Variants in OCSTAMP observed in about 807,000 individuals in gnomAD.
OCSTAMP encodes the protein transmembrane protein C20orf123.
Under a neutral mutation model 25.2 loss-of-function variants are expected in OCSTAMP, and 17 were observed. That is an observed-to-expected ratio of 0.68 (90% confidence interval 0.46 to 1.01). The LOEUF (loss-of-function observed/expected upper bound fraction) is 1.01, where lower values mean the gene tolerates loss of function less well. OCSTAMP is among the 50% of genes least tolerant of loss of function. OCSTAMP has a pLI of 0.00. For synonymous variants in OCSTAMP, 345 were observed against 318.9 expected (o/e 1.08, Z -0.87); for missense variants, 664 against 694.6 (o/e 0.96, Z 0.50).
At chr20:46,550,384 A>G in intron 1 of OCSTAMP, 133 bp downstream of exon 1, 5 of 683,494 alleles carry the variant, frequency 7.3e-6, no homozygotes, top group Non-Finnish European at 1.3e-5. Context: ...AGGCTCACAG[A>G]GAACTGAGGA....
At chr20:46,544,545 A>G (rs563047019) in intron 2 of OCSTAMP, among the ~76,000 whole-genome samples, 1 of 152,386 alleles carries the variant, frequency 6.6e-6, no homozygotes, top group Admixed American at 6.5e-5. Context: ...TCACTACTAA[A>G]AATTAAAAAT....
intron 2 of OCSTAMP, among the ~76,000 whole-genome samples, chr20:46,544,021 C>T (rs2061843604): frequency 6.6e-6 from 1 of 152,114 alleles, no homozygotes; most frequent in Admixed American, 6.5e-5. Flanking sequence ...CCAGCCTGAG[C>T]CACATAGTGG....
At position 46,549,018 on chromosome 20, in the gene OCSTAMP, AACAG is replaced by A. The variant is rs139034848; in HGVS notation, c.44+1495_44+1498del. On this transcript the variant is annotated intron_variant, in intron 1 of 2. Coordinates refer to ENST00000279028, the MANE Select transcript of OCSTAMP (RefSeq NM_080721.3). Reference sequence around the variant, plus strand: ...CAACACAAGGAAAACAGTGTTAGGAAACAGACAGAGAGTCCCAGTGGCCTTGTTG... The same window carrying A: ...CAACACAAGGAAAACAGTGTTAGGAAACAGAGAGTCCCAGTGGCCTTGTTG... 1.3e-4 allele frequency among the ~76,000 whole-genome samples: 20 copies of A among 152,314 alleles called. No homozygotes were observed. In the East Asian group the frequency reaches 3.3e-3, roughly 25 times the overall value.
intron 1 of OCSTAMP, among the ~76,000 whole-genome samples, chr20:46,547,725 A>AT: frequency 6.6e-6 from 1 of 152,320 alleles, no homozygotes; most frequent in East Asian, 1.9e-4. Flanking sequence ...AAGGAGAAGA[A>AT]TAGGAAACAC....
intron 1 of OCSTAMP, among the ~76,000 whole-genome samples, chr20:46,547,805 T>A (rs887253116): frequency 6.6e-6 from 1 of 152,164 alleles, no homozygotes; most frequent in African/African-American, 2.4e-5. Flanking sequence ...GGCTGGTAGC[T>A]ATGGGAAATT....
intron 2 of OCSTAMP, 122 bp downstream of exon 2, chr20:46,545,205 G>T: frequency 9.2e-7 from 1 of 1,092,170 alleles, no homozygotes; most frequent in Non-Finnish European, 1.3e-6. Flanking sequence ...GGGGCCCCAT[G>T]GATGATTCAA....
intron 1 of OCSTAMP, among the ~76,000 whole-genome samples, chr20:46,549,808 C>CTGTGTGTG (rs3971980): frequency 3.4e-5 from 5 of 149,154 alleles, no homozygotes; most frequent in African/African-American, 1.2e-4. Flanking sequence ...GTGGCCCACT[C>CTGTGTGTG]TGTGTGTGTG....
Position 46,541,384 on chromosome 20 carries a change from G to A in OCSTAMP, c.1591C>T (p.Arg531Trp), listed in dbSNP as rs1305087582. 2.1e-6 allele frequency: 2 copies of A among 937,636 alleles called. No individual in the cohort carries two copies. The highest frequency in any genetic ancestry group is 1.6e-5 in the African/African-American group (1 of 61,112). 58.1% of individuals were successfully genotyped at this position (937,636 alleles called of 1,614,324 possible). Residue 531 changes from arginine to tryptophan, a missense_variant, in exon 3 of 3, where the codon CGG (arginine) becomes TGG (tryptophan). Coordinates refer to ENST00000279028, the MANE Select transcript of OCSTAMP (RefSeq NM_080721.3). The part of the protein sequence containing the change: ...LGKSLHLSEP[R>W]FLHLHNDSIF... The stretch of plus-strand genomic sequence containing the variant: ...CTGTCGTTATGCAGATGTAGAAACC[G>A]AGGCTCAGAGAGGTGAAGTGACTTA...
At position 46,545,459 on chromosome 20, in the gene OCSTAMP, C is replaced by G; in HGVS notation, c.915G>C (p.Leu305=). 2.6e-6 allele frequency: 4 copies of G among 1,551,400 alleles called. No individual in the cohort carries two copies. Among genetic ancestry groups the G allele is most frequent in the Non-Finnish European group, 3.5e-6 (4 of 1,146,930 alleles). The change falls in exon 2 of 3, where the codon CTG becomes CTC. Residue 305 remains leucine (L), a synonymous_variant. Transcript: ENST00000279028. ...ELLSCLLRLG[L]LALLLVATAV... is the part of the protein sequence containing the mutation. ...CCGTGGCCACGAGGAGCAGGGCAAG[C>G]AGCCCCAGCCTTAGAAGACAACTCA...
In OCSTAMP at chr20:46,541,078, C is replaced by A; in HGVS notation, c.*196G>T. ...TTTATAAAATTAAAACTATGGGTTA[C>A]TATAAATGAGTTTAGAGGATTTTGA... On this transcript the variant is annotated 3_prime_UTR_variant, in exon 3 of 3. Transcript: ENST00000279028. 1 of 562,854 alleles carries A rather than the reference C, an allele frequency of 1.8e-6. No homozygotes were observed. The highest frequency in any genetic ancestry group is 2.6e-5 in the South Asian group (1 of 38,230). The allele number at this position is 562,854 out of a possible 1,614,324, so 34.9% of individuals were successfully genotyped here.
Position 46,541,394 on chromosome 20 carries a change from G to A in OCSTAMP, c.1581C>T (p.Leu527=), listed in dbSNP as rs759462326. The A allele has an allele frequency of 4.9e-6, 5 of 1,025,830 alleles. No homozygotes were observed. The South Asian group carries it at 5.4e-5, about 11-fold the overall frequency. 63.5% of individuals were successfully genotyped at this position (1,025,830 alleles called of 1,614,324 possible). The change falls in exon 3 of 3, where the codon CTC becomes CTT. Residue 527 remains leucine, a synonymous_variant. Coordinates refer to ENST00000279028, the MANE Select transcript of OCSTAMP (RefSeq NM_080721.3). The part of the protein sequence containing the change: ...PCVTLGKSLH[L]SEPRFLHLHN... ...GCAGATGTAGAAACCGAGGCTCAGA[G>A]AGGTGAAGTGACTTACCCAAGGTCA...
chr20:46,550,445 C>A, intron 1 of OCSTAMP, 72 bp downstream of exon 1: 1 of 1,353,872 alleles, frequency 7.4e-7, no homozygotes, highest in South Asian at 1.3e-5. Context: ...GATTTGGGTT[C>A]ATATCCATCA....
rs1395628617 is a variant in OCSTAMP, at chr20:46,545,799, T to C, written c.575A>G (p.Asn192Ser). The C allele has an allele frequency of 4.5e-6, 7 of 1,551,272 alleles. No individual in the cohort carries two copies. The highest frequency in any genetic ancestry group is 6.1e-6 in the Non-Finnish European group (7 of 1,147,004). ...SRGLTFEAQD[N>S]GSAFYLHMLR... ...CATGTGAAGGTAGAAGGCAGAGCCA[T>C]TGTCCTGGGCCTCAAATGTCAGGCC... is the stretch of plus-strand genomic sequence containing the variant. Residue 192 changes from asparagine (N) to serine (S), a missense_variant, in exon 2 of 3, where the codon AAT becomes AGT. Coordinates refer to ENST00000279028, the MANE Select transcript of OCSTAMP (RefSeq NM_080721.3).
In OCSTAMP at chr20:46,541,496, G is replaced by C. The variant is rs1410662665; in HGVS notation, c.1479C>G (p.Ser493Arg). The C allele has an allele frequency of 2.8e-5, 44 of 1,551,522 alleles. No individual in the cohort carries two copies. Among genetic ancestry groups the C allele is most frequent in the Non-Finnish European group, 3.7e-5 (42 of 1,146,910 alleles). The part of the protein sequence containing the change: ...DYRLDALRTE[S>R]SEGEGKELWS... ...AAAGCTCTTTCCCTTCTCCCTCACT[G>C]CTCTCGGTTCTTAAGGCATCCAGCC... Residue 493 changes from serine to arginine, a missense_variant, in exon 3 of 3, where the codon AGC becomes AGG. By Grantham distance (110) the Ser-to-Arg change is moderately radical. Transcript: ENST00000279028.
At chr20:46,545,274 C>T in intron 2 of OCSTAMP, 53 bp downstream of exon 2, 1 of 1,415,608 alleles carries the variant, frequency 7.1e-7, no homozygotes, top group South Asian at 1.5e-5. Context: ...AACAGATTCT[C>T]CCCCTGCCCT....
chr20:46,547,273 C>T (rs1601104062), intron 1 of OCSTAMP, among the ~76,000 whole-genome samples: 1 of 152,062 alleles, frequency 6.6e-6, no homozygotes, highest in Non-Finnish European at 1.5e-5. Flanking sequence ...CTTTTGACGA[C>T]GTGGTTGGAA....
At position 46,545,325 on chromosome 20, in the gene OCSTAMP, A is replaced by C; in HGVS notation, c.1047+2T>G. On this transcript the variant is annotated splice_donor_variant, in intron 2 of 2. Transcript: ENST00000279028. LOFTEE classifies it high-confidence loss of function. The stretch of plus-strand genomic sequence containing the variant: ...CTTCCCTTTTCCCATCATCACACTT[A>C]CATCATACTTGACCGTGAGCGTGAT... 1 of 1,460,044 alleles carries C rather than the reference A, an allele frequency of 6.8e-7. No individual in the cohort carries two copies. Among genetic ancestry groups the C allele is most frequent in the Non-Finnish European group, 9.1e-7 (1 of 1,104,590 alleles). 90.4% of individuals were successfully genotyped at this position (1,460,044 alleles called of 1,614,324 possible). A position where few individuals can be genotyped will look rare whatever the true frequency, so the allele number is the denominator to read the frequency against.
chr20:46,544,732 C>G (rs571266737), intron 2 of OCSTAMP, among the ~76,000 whole-genome samples: 1 of 152,278 alleles, frequency 6.6e-6, no homozygotes, highest in South Asian at 2.1e-4. Flanking sequence ...CTTTGTAGGG[C>G]AGCCACAGAC....
At chr20:46,547,941 G>A (rs1362941767) in intron 1 of OCSTAMP, among the ~76,000 whole-genome samples, 1 of 152,216 alleles carries the variant, frequency 6.6e-6, no homozygotes, top group African/African-American at 2.4e-5. Flanking sequence ...GGTGGAGGCA[G>A]AGAGTGAGAC....
Sources: allele counts gnomAD v4.1 joint callset (sites outside exome capture counted in the v4.1 genomes callset), GRCh38; gene constraint gnomAD v4.1.1; transcripts MANE v1.5; gene names NCBI Gene and HGNC (gene_info 2026-07-23, HGNC 2026-07-21).